Variants in SCFD2 observed in about 807,000 individuals in gnomAD.
The protein encoded by SCFD2 is sec1 family domain-containing protein 2.
SCFD2 carries 54 observed loss-of-function variants against 58.9 expected under a neutral mutation model. The observed-to-expected ratio is 0.92, with a 90% CI of 0.74 to 1.15. The LOEUF (loss-of-function observed/expected upper bound fraction) is 1.15, where lower values mean the gene tolerates loss of function less well. Ranked by LOEUF, SCFD2 falls within the 50% of genes most tolerant of loss-of-function variation. The pLI, the probability that SCFD2 is intolerant of heterozygous loss-of-function variation, is 0.00. For synonymous variants in SCFD2, 321 were observed against 335.9 expected (o/e 0.96, Z 0.49); for missense variants, 805 against 836.6 (o/e 0.96, Z 0.47).
intron 2 of SCFD2, 76 bp downstream of exon 2, chr4:53,352,522 A>T (rs1734252370): frequency 2.6e-6 from 3 of 1,174,336 alleles, no homozygotes; most frequent in African/African-American, 1.5e-5. Context: ...CTTTTTTCCT[A>T]TGGGAATACT....
Position 53,178,017 on chromosome 4 carries a change from G to C in SCFD2, c.1312-32435C>G, listed in dbSNP as rs7669409. Among the ~76,000 whole-genome samples the C allele has an allele frequency of 8.7e-3, 1,319 of 152,354 alleles. 20 individuals carry two copies. Among genetic ancestry groups the C allele is most frequent in the African/African-American group, 0.03 (1,242 of 41,586 alleles). On this transcript the variant is annotated intron_variant, in intron 4 of 8. Coordinates refer to ENST00000401642, the MANE Select transcript of SCFD2 (RefSeq NM_152540.4). ...GGTAAACAAAGTGGATGGGAAGCTA[G>C]AAATGGGTGGAGCCCACCACAGCTC... is the stretch of plus-strand genomic sequence containing the variant.
intron 3 of SCFD2, among the ~76,000 whole-genome samples, chr4:53,281,420 T>C (rs1731506465): frequency 1.3e-5 from 2 of 152,132 alleles, no homozygotes; most frequent in Admixed American, 1.3e-4. Flanking sequence ...ATAACTGATA[T>C]ATAGACAGGG....
chr4:52,981,480 T>G (rs1560500931), intron 5 of SCFD2, among the ~76,000 whole-genome samples: 1 of 152,310 alleles, frequency 6.6e-6, no homozygotes, highest in East Asian at 1.9e-4. Flanking sequence ...GGCCTGTGGC[T>G]AACCTTTCAT....
At chr4:53,228,281 A>C (rs912194787) in intron 4 of SCFD2, among the ~76,000 whole-genome samples, 96 of 152,166 alleles carry the variant, frequency 6.3e-4, no homozygotes, top group Admixed American at 2.9e-3. Flanking sequence ...CAGGGTAAAA[A>C]TGGGAGTGGT....
Position 53,066,039 on chromosome 4 carries a change from G to A in SCFD2, c.1561+79294C>T, listed in dbSNP as rs574422990. ...ACCAGAAAGAATATTCTGGAACTAC[G>A]CTTTGAAGTAAAATGATTCCCCTAA... is the stretch of plus-strand genomic sequence containing the variant. On this transcript the variant is annotated intron_variant, in intron 5 of 8. Coordinates refer to ENST00000401642, the MANE Select transcript of SCFD2 (RefSeq NM_152540.4). Among the ~76,000 whole-genome samples, 9 of 152,120 alleles carry A rather than the reference G, an allele frequency of 5.9e-5. No homozygotes were observed. In the South Asian group the frequency reaches 1.7e-3, roughly 28 times the overall value.
chr4:53,294,301 A>G lies in SCFD2; in HGVS notation c.1135+19335T>C, dbSNP rs192505257. Among the ~76,000 whole-genome samples, 1,212 of 152,312 alleles carry G rather than the reference A, an allele frequency of 8.0e-3. 6 individuals carry two copies. The highest frequency in any genetic ancestry group is 0.013 in the Non-Finnish European group (904 of 68,024). ...CCTATTTATCCACATCCTCTCCAGC[A>G]TCTGTTGTTTCCTGACTTTTTAATG... On this transcript the variant is annotated intron_variant, in intron 3 of 8. Transcript: ENST00000401642.
In SCFD2 at chr4:53,048,402, T is replaced by C. The variant is rs143203467; in HGVS notation, c.1561+96931A>G. Among the ~76,000 whole-genome samples, 655 of 151,984 alleles carry C rather than the reference T, an allele frequency of 4.3e-3. 2 individuals carry two copies. Among genetic ancestry groups the C allele is most frequent in the African/African-American group, 0.015 (614 of 41,470 alleles). ...ATACACACAGACATACTCTAAAACT[T>C]AGAGAGTCACTTTAACCTTTGCAGT... On this transcript the variant is annotated intron_variant, in intron 5 of 8. Transcript: ENST00000401642.
chr4:53,201,206 G>A (rs1728224042), intron 4 of SCFD2, among the ~76,000 whole-genome samples: 1 of 148,646 alleles, frequency 6.7e-6, no homozygotes, highest in Admixed American at 6.7e-5. Flanking sequence ...CCCAGTGTGT[G>A]ATGTTCCCCT....
intron 2 of SCFD2, among the ~76,000 whole-genome samples, chr4:53,341,688 T>C (rs1733879986): frequency 1.3e-5 from 2 of 151,800 alleles, no homozygotes; most frequent in Non-Finnish European, 2.9e-5. Context: ...AAGGAAAAAA[T>C]GTTCAGGGCC....
At chr4:52,955,550 G>A (rs1367244395) in intron 5 of SCFD2, among the ~76,000 whole-genome samples, 3 of 152,154 alleles carry the variant, frequency 2.0e-5, no homozygotes, top group Non-Finnish European at 4.4e-5. Flanking sequence ...GGCACAGAGG[G>A]GTTAAGTGAT....
chr4:52,995,308 A>G (rs1721717993), intron 5 of SCFD2, among the ~76,000 whole-genome samples: 3 of 152,188 alleles, frequency 2.0e-5, no homozygotes, highest in African/African-American at 2.4e-5. Flanking sequence ...CGCACTCCCA[A>G]GAGAATCTAA....
At chr4:53,007,305 GGAGAGAGAGA>G (rs147645284) in intron 5 of SCFD2, among the ~76,000 whole-genome samples, 1 of 66,082 alleles carries the variant, frequency 1.5e-5, no homozygotes, top group East Asian at 4.0e-4. Context: ...AGAGGGAGAG[GGAGAGAGAGA>G]GAGAGAGAGA....
At chr4:53,291,389 G>A (rs976575267) in intron 3 of SCFD2, among the ~76,000 whole-genome samples, 16 of 151,950 alleles carry the variant, frequency 1.1e-4, no homozygotes, top group African/African-American at 3.9e-4. Flanking sequence ...GCTACAAAGA[G>A]AATAAAATAA....
intron 4 of SCFD2, among the ~76,000 whole-genome samples, chr4:53,220,453 C>T (rs1308056619): frequency 6.6e-6 from 1 of 152,118 alleles, no homozygotes. Context: ...GACTATTAGT[C>T]ATATAATAGG....
chr4:53,296,473 C>T (rs759795679), intron 3 of SCFD2, among the ~76,000 whole-genome samples: 4 of 152,004 alleles, frequency 2.6e-5, no homozygotes, highest in Non-Finnish European at 5.9e-5. Flanking sequence ...TCTGTGGGAT[C>T]GGTGGTGATA....
chr4:53,232,976 G>A (rs1240761913), intron 4 of SCFD2, among the ~76,000 whole-genome samples: 3 of 152,094 alleles, frequency 2.0e-5, no homozygotes, highest in Non-Finnish European at 4.4e-5. Context: ...CTAGTCTCAG[G>A]CACCCACTAA....
At chr4:53,251,326 C>A (rs1173166296) in intron 4 of SCFD2, among the ~76,000 whole-genome samples, 1 of 152,092 alleles carries the variant, frequency 6.6e-6, no homozygotes, top group African/African-American at 2.4e-5. Context: ...TGGTACCATT[C>A]CTTCTGAAAC....
chr4:53,342,445 C>T (rs533737831), intron 2 of SCFD2, among the ~76,000 whole-genome samples: 48 of 152,152 alleles, frequency 3.2e-4, no homozygotes, highest in African/African-American at 1.2e-3. Context: ...CAGGAGCACC[C>T]AGATTCATAA....
chr4:53,072,583 G>A (rs925419142), intron 5 of SCFD2, among the ~76,000 whole-genome samples: 7 of 152,000 alleles, frequency 4.6e-5, no homozygotes, highest in African/African-American at 1.7e-4. Context: ...TTAGGGGGGG[G>A]AAAGCCAGGT....
Sources: gnomAD v4.1 joint callset for allele counts (sites outside exome capture counted in the v4.1 genomes callset) on GRCh38, gnomAD v4.1.1 for gene constraint, MANE v1.5 for transcripts, NCBI Gene and HGNC (gene_info 2026-07-23, HGNC 2026-07-21) for gene names.